The following PDZRN3 variants were observed in gnomAD, a reference collection of about 807,000 sequenced individuals.
PDZRN3 encodes PDZ domain containing ring finger 3.
PDZRN3 carries 38 observed loss-of-function variants against 85.7 expected under a neutral mutation model. That is an observed-to-expected ratio of 0.44 (90% CI 0.34 to 0.58). The LOEUF is 0.58. Among genes scored for constraint, PDZRN3 ranks in the 20% least tolerant of loss-of-function variants. The pLI is 0.01. For missense variants in PDZRN3, 1,629 were observed against 1,506.4 expected, an observed-to-expected ratio of 1.08 and a Z score of -1.35; for synonymous variants, 759 against 638.0, an observed-to-expected ratio of 1.19 and a Z score of -2.86.
intron 3 of PDZRN3, among the ~76,000 whole-genome samples, chr3:73,521,157 C>T (rs946508956): frequency 4.6e-5 from 7 of 152,154 alleles, no homozygotes; most frequent in African/African-American, 1.7e-4. Flanking sequence ...TGTTTTCCCT[C>T]AGGAGCACTG....
intron 3 of PDZRN3, among the ~76,000 whole-genome samples, chr3:73,406,949 G>A (rs1441195522): frequency 3.3e-5 from 5 of 152,150 alleles, no homozygotes; most frequent in Non-Finnish European, 2.9e-5. Context: ...TGGGCAGCAC[G>A]CACCCATCCT....
chr3:73,394,320 G>C (rs1388769157), intron 5 of PDZRN3, among the ~76,000 whole-genome samples: 1 of 152,128 alleles, frequency 6.6e-6, no homozygotes, highest in Non-Finnish European at 1.5e-5. Flanking sequence ...GTTCATTTTA[G>C]AACACATACT....
chr3:73,421,411 T>C (rs1287044348), intron 3 of PDZRN3, among the ~76,000 whole-genome samples: 1 of 152,146 alleles, frequency 6.6e-6, no homozygotes, highest in Non-Finnish European at 1.5e-5. Context: ...TCCTCTGAAG[T>C]AGGACATGAA....
intron 3 of PDZRN3, among the ~76,000 whole-genome samples, chr3:73,557,689 T>C (rs1272758315): frequency 6.6e-6 from 1 of 152,230 alleles, no homozygotes; most frequent in East Asian, 1.9e-4. Context: ...AGGTTGTGTC[T>C]TATGTCTTAT....
At chr3:73,522,289 T>C (rs968162595) in intron 3 of PDZRN3, among the ~76,000 whole-genome samples, 25 of 152,216 alleles carry the variant, frequency 1.6e-4, no homozygotes, top group Admixed American at 1.0e-3. Context: ...CATCCAGATA[T>C]GATCTTCCTC....
At chr3:73,610,107 C>A (rs574675158) in intron 1 of PDZRN3, among the ~76,000 whole-genome samples, 1 of 152,282 alleles carries the variant, frequency 6.6e-6, no homozygotes, top group African/African-American at 2.4e-5. Flanking sequence ...TTCTTGTGAG[C>A]CTCAACATCA....
intron 3 of PDZRN3, among the ~76,000 whole-genome samples, chr3:73,442,979 C>T (rs1488926165): frequency 6.6e-6 from 1 of 152,184 alleles, no homozygotes; most frequent in African/African-American, 2.4e-5. Context: ...ACCTCCCTCC[C>T]TCCCTTTCTT....
chr3:73,385,450 G>A lies in PDZRN3; in HGVS notation c.1635+219C>T, dbSNP rs535736443. Among the ~76,000 whole-genome samples, 5 of 152,318 alleles carry A rather than the reference G, an allele frequency of 3.3e-5. No homozygotes were observed. The South Asian group carries it at 1.0e-3, about 32-fold the overall frequency. On this transcript the variant is annotated intron_variant, in intron 9 of 9. Transcript: ENST00000263666. ...ATTATCAGAAGGTCAGCTTTGCTTT[G>A]GCAATGTTGCTTAGATTTAAAAGCT...
chr3:73,514,202 T>C (rs936000555), intron 3 of PDZRN3, among the ~76,000 whole-genome samples: 4 of 152,186 alleles, frequency 2.6e-5, no homozygotes, highest in Non-Finnish European at 5.9e-5. Flanking sequence ...GCTGGGTCTC[T>C]AAGGTAGGAG....
At chr3:73,551,224 A>G (rs1701544137) in intron 3 of PDZRN3, among the ~76,000 whole-genome samples, 1 of 152,220 alleles carries the variant, frequency 6.6e-6, no homozygotes, top group Admixed American at 6.5e-5. Context: ...TGGATACTGC[A>G]GTCTGTAGGG....
intron 3 of PDZRN3, among the ~76,000 whole-genome samples, chr3:73,596,079 G>A (rs549677799): frequency 6.6e-6 from 1 of 152,194 alleles, no homozygotes; most frequent in African/African-American, 2.4e-5. Flanking sequence ...AGTATCTTGT[G>A]CCAGGAAGTA....
chr3:73,465,574 T>C (rs1182349062), intron 3 of PDZRN3, among the ~76,000 whole-genome samples: 4 of 152,218 alleles, frequency 2.6e-5, no homozygotes, highest in African/African-American at 7.2e-5. Flanking sequence ...CATTATACAA[T>C]GATGAAGCTA....
chr3:73,581,539 G>T (rs538750368), intron 3 of PDZRN3, among the ~76,000 whole-genome samples: 13 of 152,078 alleles, frequency 8.5e-5, no homozygotes, highest in Non-Finnish European at 1.2e-4. Context: ...CTTGGAGTCC[G>T]AGTCCCAGGA....
At chr3:73,565,360 C>A (rs1490933386) in intron 3 of PDZRN3, among the ~76,000 whole-genome samples, 2 of 151,874 alleles carry the variant, frequency 1.3e-5, no homozygotes, top group Admixed American at 6.6e-5. Flanking sequence ...GAACTCCTGA[C>A]CTTGTGATCC....
intron 3 of PDZRN3, among the ~76,000 whole-genome samples, chr3:73,539,795 A>C (rs1195299060): frequency 6.6e-6 from 1 of 152,184 alleles, no homozygotes; most frequent in East Asian, 1.9e-4. Flanking sequence ...GGGGAAGAAT[A>C]CTGACACAGA....
intron 3 of PDZRN3, among the ~76,000 whole-genome samples, chr3:73,506,880 C>A: frequency 6.9e-6 from 1 of 145,208 alleles, no homozygotes; most frequent in Admixed American, 7.1e-5. Flanking sequence ...TCCAGCAGCC[C>A]AGGTGACCAT....
intron 1 of PDZRN3, among the ~76,000 whole-genome samples, chr3:73,613,019 G>A (rs1184057622): frequency 6.6e-6 from 1 of 152,190 alleles, no homozygotes; most frequent in African/African-American, 2.4e-5. Context: ...CTAGGCAATG[G>A]AGAATGCCTA....
chr3:73,549,051 G>A (rs142335436), intron 3 of PDZRN3, among the ~76,000 whole-genome samples: 1 of 152,266 alleles, frequency 6.6e-6, no homozygotes, highest in Non-Finnish European at 1.5e-5. Flanking sequence ...AATGGTTGGT[G>A]GCATATCTCT....
chr3:73,442,841 C>G lies in PDZRN3; in HGVS notation c.919-38446G>C, dbSNP rs151246380. On this transcript the variant is annotated intron_variant, in intron 3 of 9. Transcript: ENST00000263666. ...GGTCCCCCCATGCCACAGCTCCTCC[C>G]AGGCCTCTTCACTGGCCACTTTCAG... Among the ~76,000 whole-genome samples, 317 of 152,280 alleles carry G rather than the reference C, an allele frequency of 2.1e-3. 1 individual carries two copies. The highest frequency in any genetic ancestry group is 6.4e-3 in the African/African-American group (267 of 41,544).
Sources: allele counts gnomAD v4.1 joint callset (sites outside exome capture counted in the v4.1 genomes callset), GRCh38; gene constraint gnomAD v4.1.1; transcripts MANE v1.5; gene names NCBI Gene and HGNC (gene_info 2026-07-23, HGNC 2026-07-21).